Variants in GRID1 observed in about 807,000 individuals in gnomAD.
GRID1 encodes glutamate receptor ionotropic, delta-1.
GRID1 carries 28 observed loss-of-function variants against 98.0 expected under a neutral mutation model. That is an observed-to-expected ratio of 0.29 (90% CI 0.21 to 0.39). GRID1 has a LOEUF of 0.39. GRID1 is among the 10% of genes least tolerant of loss of function. GRID1 has a pLI of 1.00. For missense variants in GRID1, 1,111 were observed against 1,340.5 expected (o/e 0.83, Z 2.67); for synonymous variants, 553 against 538.5 (o/e 1.03, Z -0.37).
intron 12 of GRID1, among the ~76,000 whole-genome samples, chr10:85,660,245 G>C (rs1840950008): frequency 6.6e-6 from 1 of 152,246 alleles, no homozygotes; most frequent in Non-Finnish European, 1.5e-5. Context: ...GATACTGGCA[G>C]GATAGAGCAT....
intron 3 of GRID1, among the ~76,000 whole-genome samples, chr10:86,167,101 C>CT (rs1170268139): frequency 6.6e-6 from 1 of 152,206 alleles, no homozygotes; most frequent in African/African-American, 2.4e-5. Context: ...CTGTCATCTT[C>CT]CCCGCAAACC....
chr10:85,928,861 C>T (rs1399010968), intron 4 of GRID1, among the ~76,000 whole-genome samples: 1 of 152,206 alleles, frequency 6.6e-6, no homozygotes, highest in Non-Finnish European at 1.5e-5. Flanking sequence ...ACATTACCCT[C>T]TTCACCTTAG....
chr10:85,698,985 G>A (rs944442136), intron 12 of GRID1, among the ~76,000 whole-genome samples: 1 of 152,122 alleles, frequency 6.6e-6, no homozygotes, highest in Non-Finnish European at 1.5e-5. Flanking sequence ...TTTTTAAACA[G>A]GTGGTTGGTA....
chr10:86,154,486 G>A (rs1845215914), intron 3 of GRID1, among the ~76,000 whole-genome samples: 1 of 152,036 alleles, frequency 6.6e-6, no homozygotes, highest in African/African-American at 2.4e-5. Flanking sequence ...TCCACACCCT[G>A]GTCTCCAGAA....
intron 4 of GRID1, among the ~76,000 whole-genome samples, chr10:86,030,187 T>C (rs1843167566): frequency 6.6e-6 from 1 of 152,238 alleles, no homozygotes; most frequent in South Asian, 2.1e-4. Flanking sequence ...AAGAAGGTTA[T>C]AAAGGAAAGA....
intron 4 of GRID1, among the ~76,000 whole-genome samples, chr10:86,067,006 C>A (rs1564664750): frequency 6.6e-6 from 1 of 152,222 alleles, no homozygotes; most frequent in Non-Finnish European, 1.5e-5. Context: ...ACCTATCAAT[C>A]ACCCCTTCCT....
At position 85,620,040 on chromosome 10, in the gene GRID1, G is replaced by A. The variant is rs762043435; in HGVS notation, c.2194-7C>T. 8 of 1,612,566 alleles carry A rather than the reference G, an allele frequency of 5.0e-6. No individual in the cohort carries two copies. The highest frequency in any genetic ancestry group is 6.8e-6 in the Non-Finnish European group (8 of 1,178,778). On this transcript the variant is annotated splice_polypyrimidine_tract_variant and splice_region_variant and intron_variant, in intron 13 of 15. Coordinates refer to ENST00000327946, the MANE Select transcript of GRID1 (RefSeq NM_017551.3). ...CGTAGTTCCCCTTCTTTGCCTGAAAGATCAAAATTACCATGAAGTCAGGCA... is the reference window on the plus strand; with the variant it reads ...CGTAGTTCCCCTTCTTTGCCTGAAAAATCAAAATTACCATGAAGTCAGGCA...
At chr10:85,611,906 G>A (rs1398756016) in intron 15 of GRID1, among the ~76,000 whole-genome samples, 1 of 152,204 alleles carries the variant, frequency 6.6e-6, no homozygotes, top group African/African-American at 2.4e-5. Context: ...ATTCCTTTCA[G>A]GGCCTTTTCC....
intron 8 of GRID1, among the ~76,000 whole-genome samples, chr10:85,770,793 C>G (rs369458903): frequency 6.6e-6 from 1 of 151,976 alleles, no homozygotes; most frequent in African/African-American, 2.4e-5. Context: ...TAAAAAGAAA[C>G]GAACAAAGCC....
intron 5 of GRID1, among the ~76,000 whole-genome samples, chr10:85,909,382 A>T (rs1171706598): frequency 6.6e-6 from 1 of 152,210 alleles, no homozygotes; most frequent in Non-Finnish European, 1.5e-5. Flanking sequence ...GGGGTTGGCA[A>T]TTCCACTTGT....
intron 5 of GRID1, among the ~76,000 whole-genome samples, chr10:85,898,444 CTTA>C (rs1841327925): frequency 6.6e-6 from 1 of 152,154 alleles, no homozygotes; most frequent in Non-Finnish European, 1.5e-5. Flanking sequence ...TTAACTTTAA[CTTA>C]TTATAACTTT....
chr10:86,302,778 GT>G lies in GRID1; in HGVS notation c.235+61162del, dbSNP rs530599585. Among the ~76,000 whole-genome samples, 19 of 152,338 alleles carry G rather than the reference GT, an allele frequency of 1.2e-4. 1 individual carries two copies. The East Asian group carries it at 3.1e-3, about 25-fold the overall frequency. ...GTCAATGTCATAGGAAAGAAAGGGG[GT>G]TGTTCTAGACCTTAGTTACTCAAGG... On this transcript the variant is annotated intron_variant, in intron 2 of 15. Coordinates refer to ENST00000327946, the MANE Select transcript of GRID1 (RefSeq NM_017551.3).
intron 3 of GRID1, among the ~76,000 whole-genome samples, chr10:86,175,340 CAA>C (rs55758704): frequency 8.2e-4 from 86 of 105,432 alleles, no homozygotes; most frequent in Admixed American, 1.3e-3. Context: ...CTCAATAAAG[CAA>C]AAAAAAAAAA....
intron 4 of GRID1, among the ~76,000 whole-genome samples, chr10:86,103,506 C>T (rs889639758): frequency 1.3e-5 from 2 of 152,204 alleles, no homozygotes; most frequent in African/African-American, 4.8e-5. Flanking sequence ...GGCCACAGGC[C>T]TAGGCTCCCC....
At chr10:85,670,002 A>G (rs1203092404) in intron 12 of GRID1, among the ~76,000 whole-genome samples, 1 of 152,228 alleles carries the variant, frequency 6.6e-6, no homozygotes, top group African/African-American at 2.4e-5. Flanking sequence ...TTCTTTAAAA[A>G]TGTGGTACAA....
intron 4 of GRID1, among the ~76,000 whole-genome samples, chr10:86,034,423 C>T (rs1391320207): frequency 7.2e-5 from 11 of 152,164 alleles, no homozygotes; most frequent in Admixed American, 7.2e-4. Flanking sequence ...GATCACCTCA[C>T]TGAATCTTTC....
intron 5 of GRID1, among the ~76,000 whole-genome samples, chr10:85,888,149 G>A (rs1030493823): frequency 6.6e-6 from 1 of 152,182 alleles, no homozygotes; most frequent in Non-Finnish European, 1.5e-5. Flanking sequence ...AAGTAGTTCA[G>A]CTTCCTTTGT....
rs1007641895 is a variant in GRID1 at position 85,672,520 on chromosome 10, A to G, written c.1998-25123T>C. Reference sequence around the variant, plus strand: ...ATTGGGTTTCACCATGTTGGTCAGGATGGTCTTGATCTCTTGACCTCATGA... The same window carrying G: ...ATTGGGTTTCACCATGTTGGTCAGGGTGGTCTTGATCTCTTGACCTCATGA... On this transcript the variant is annotated intron_variant, in intron 12 of 15. Coordinates refer to ENST00000327946, the MANE Select transcript of GRID1 (RefSeq NM_017551.3). 2.6e-5 allele frequency among the ~76,000 whole-genome samples: 4 copies of G among 152,196 alleles called. No individual in the cohort carries two copies. In the East Asian group the frequency reaches 7.8e-4, roughly 30 times the overall value.
intron 4 of GRID1, among the ~76,000 whole-genome samples, chr10:86,044,290 C>T (rs905718629): frequency 2.0e-5 from 3 of 152,210 alleles, no homozygotes; most frequent in African/African-American, 7.2e-5. Flanking sequence ...AGACCTGCTT[C>T]GTTTCCCTAC....
Sources: allele counts gnomAD v4.1 joint callset (sites outside exome capture counted in the v4.1 genomes callset), GRCh38; gene constraint gnomAD v4.1.1; transcripts MANE v1.5; gene names NCBI Gene and HGNC (gene_info 2026-07-23, HGNC 2026-07-21).